Variants in CCDC3 observed in about 807,000 individuals in gnomAD.
CCDC3 encodes coiled-coil domain-containing protein 3.
Under a neutral mutation model 21.4 loss-of-function variants are expected in CCDC3, and 24 were observed. The observed-to-expected ratio is 1.12, with a 90% confidence interval of 0.81 to 1.58. The LOEUF (loss-of-function observed/expected upper bound fraction) is 1.58, where lower values mean the gene tolerates loss of function less well. Ranked by LOEUF, CCDC3 falls within the 40% of genes most tolerant of loss-of-function variation. The pLI is 0.00. For synonymous variants in CCDC3, 186 were observed against 166.0 expected (o/e 1.12, Z -0.93); for missense variants, 425 against 360.9 (o/e 1.18, Z -1.44).
At chr10:12,961,154 C>G (rs1480247134) in intron 2 of CCDC3, among the ~76,000 whole-genome samples, 2 of 152,128 alleles carry the variant, frequency 1.3e-5, no homozygotes, top group African/African-American at 4.8e-5. Flanking sequence ...TTCCACAGAC[C>G]TAAGTTCCGG....
chr10:12,912,990 C>T (rs533637615), intron 2 of CCDC3, among the ~76,000 whole-genome samples: 16 of 152,306 alleles, frequency 1.1e-4, no homozygotes, highest in African/African-American at 1.9e-4. Flanking sequence ...AGTGCCATCC[C>T]GCTTTGATTA....
At chr10:12,974,022 C>T (rs1835379337) in intron 2 of CCDC3, among the ~76,000 whole-genome samples, 1 of 152,180 alleles carries the variant, frequency 6.6e-6, no homozygotes, top group South Asian at 2.1e-4. Flanking sequence ...AAGAGAAGTA[C>T]AAGCACTCCA....
chr10:13,099,901 C>A (rs1442789811), upstream of CCDC3: 1 of 152,094 alleles, frequency 6.6e-6, no homozygotes, highest in African/African-American at 2.4e-5. Flanking sequence ...CACAGTGACG[C>A]CTTAGAGCAG....
At chr10:13,095,976 C>G (rs1326038837) in intron 3 of CCDC3, among the ~76,000 whole-genome samples, 1 of 152,154 alleles carries the variant, frequency 6.6e-6, no homozygotes. Flanking sequence ...TTTCTACTTT[C>G]CTTTTCTGGA....
intron 2 of CCDC3, among the ~76,000 whole-genome samples, chr10:12,963,674 G>A (rs368058001): frequency 1.4e-4 from 21 of 145,866 alleles, no homozygotes; most frequent in South Asian, 1.4e-3. Context: ...TCCTTCTCCC[G>A]GATTCAAGTG....
intron 5 of CCDC3, among the ~76,000 whole-genome samples, chr10:13,024,509 T>C (rs1354429341): frequency 6.6e-6 from 1 of 152,220 alleles, no homozygotes; most frequent in Admixed American, 6.5e-5. Context: ...AAAGCCATAT[T>C]TCACTCCCAG....
chr10:13,030,309 C>T (rs1186204034), intron 5 of CCDC3, among the ~76,000 whole-genome samples: 1 of 152,110 alleles, frequency 6.6e-6, no homozygotes, highest in East Asian at 1.9e-4. Flanking sequence ...TTTGTTACCA[C>T]CAGGCCTGCC....
chr10:12,936,979 T>C (rs1383855840), intron 2 of CCDC3, among the ~76,000 whole-genome samples: 2 of 152,158 alleles, frequency 1.3e-5, no homozygotes, highest in Non-Finnish European at 2.9e-5. Context: ...AATGGTTCCG[T>C]TTCCCTCTTC....
At chr10:13,091,567 G>A (rs1832570672) in intron 3 of CCDC3, among the ~76,000 whole-genome samples, 1 of 152,100 alleles carries the variant, frequency 6.6e-6, no homozygotes, top group Non-Finnish European at 1.5e-5. Context: ...AGCCAGGATG[G>A]ACAAAAACAC....
intron 2 of CCDC3, among the ~76,000 whole-genome samples, chr10:12,946,965 C>T (rs777029963): frequency 7.2e-5 from 11 of 152,110 alleles, no homozygotes; most frequent in Non-Finnish European, 1.5e-4. Context: ...GAAAACCGAA[C>T]GGAAAAGCAA....
intron 2 of CCDC3, among the ~76,000 whole-genome samples, chr10:12,959,863 G>A (rs1835152075): frequency 6.6e-6 from 1 of 152,074 alleles, no homozygotes; most frequent in African/African-American, 2.4e-5. Context: ...CCTTTTTAAG[G>A]GGTTTCCTGG....
intron 3 of CCDC3, among the ~76,000 whole-genome samples, chr10:13,074,327 T>A (rs1469066865): frequency 5.4e-3 from 1 of 186 alleles, no homozygotes; most frequent in African/African-American, 8.2e-3. Context: ...CCCGGCTAAT[T>A]TTTTTTTTTT....
intron 2 of CCDC3, among the ~76,000 whole-genome samples, chr10:12,940,639 A>G (rs1834813813): frequency 6.6e-6 from 1 of 152,208 alleles, no homozygotes. Flanking sequence ...TTTACTTCCT[A>G]TACTGGTGGT....
intron 5 of CCDC3, among the ~76,000 whole-genome samples, chr10:13,024,619 A>C (rs901614153): frequency 6.6e-6 from 1 of 152,222 alleles, no homozygotes; most frequent in Non-Finnish European, 1.5e-5. Context: ...CAAACACAGC[A>C]AATTATAGCT....
At chr10:12,911,967 G>C (rs1209450361) in intron 2 of CCDC3, among the ~76,000 whole-genome samples, 4 of 152,166 alleles carry the variant, frequency 2.6e-5, no homozygotes, top group Non-Finnish European at 5.9e-5. Context: ...TGTCACAAAT[G>C]ATGGTATATC....
At chr10:13,016,180 A>G (rs1202811456) in intron 5 of CCDC3, among the ~76,000 whole-genome samples, 1 of 152,006 alleles carries the variant, frequency 6.6e-6, no homozygotes, top group Non-Finnish European at 1.5e-5. Flanking sequence ...TACTTCTCCC[A>G]GTGGCAACCG....
Position 12,951,544 on chromosome 10 carries a change from G to A in CCDC3, c.549+46794C>T, listed in dbSNP as rs549552481. ...AGTTTTGTGACACTCTGTGGCTCAC[G>A]CCTGTAATCCCAGCACTTTGGGAGG... is the stretch of plus-strand genomic sequence containing the variant. On this transcript the variant is annotated intron_variant, in intron 2 of 2. Coordinates refer to ENST00000378825, the MANE Select transcript of CCDC3 (RefSeq NM_031455.4). Among the ~76,000 whole-genome samples the A allele has an allele frequency of 1.1e-4, 17 of 152,198 alleles. No individual in the cohort carries two copies. The South Asian group carries it at 2.9e-3, about 26-fold the overall frequency.
At chr10:13,077,083 C>A (rs1002730847) in intron 3 of CCDC3, among the ~76,000 whole-genome samples, 6 of 152,204 alleles carry the variant, frequency 3.9e-5, no homozygotes, top group African/African-American at 1.4e-4. Context: ...CCTATTTGCA[C>A]ATGACATCAT....
chr10:13,084,779 T>C (rs1164115200), intron 3 of CCDC3, among the ~76,000 whole-genome samples: 1 of 152,026 alleles, frequency 6.6e-6, no homozygotes, highest in Non-Finnish European at 1.5e-5. Flanking sequence ...TCTGAAGATG[T>C]GGGGAGGAGG....
Sources: allele counts gnomAD v4.1 joint callset (sites outside exome capture counted in the v4.1 genomes callset), GRCh38; gene constraint gnomAD v4.1.1; transcripts MANE v1.5; gene names NCBI Gene and HGNC (gene_info 2026-07-23, HGNC 2026-07-21).